The following SP110 variants were observed in gnomAD, a reference collection of about 807,000 sequenced individuals.
SP110 encodes interferon-induced protein 41, 30kD.
Under a neutral mutation model 92.7 loss-of-function variants are expected in SP110, and 62 were observed. The observed-to-expected ratio is 0.67, with a 90% confidence interval of 0.55 to 0.83. SP110 has a LOEUF of 0.83. Ranked by LOEUF, SP110 falls within the 40% of genes least tolerant of loss-of-function variation. The pLI, the probability that SP110 is intolerant of heterozygous loss-of-function variation, is 0.00. For missense variants in SP110, 793 were observed against 863.9 expected (o/e 0.92, Z 1.03); for synonymous variants, 273 against 305.3 (o/e 0.89, Z 1.10).
intron 3 of SP110, 95 bp downstream of exon 3, chr2:230,214,855 G>A: frequency 4.9e-6 from 5 of 1,010,722 alleles, no homozygotes; most frequent in South Asian, 3.9e-5. Flanking sequence ...AGAAGGCGGG[G>A]GATTAACGTG....
intron 18 of SP110, 85 bp downstream of exon 18, chr2:230,170,536 A>T: frequency 6.7e-7 from 1 of 1,490,908 alleles, no homozygotes; most frequent in Non-Finnish European, 9.4e-7. Context: ...GCTGAAACTG[A>T]GTGTAATACT....
At chr2:230,223,997 C>T (rs1489030736), upstream of SP110, among the ~76,000 whole-genome samples, 1 of 152,156 alleles carries the variant, frequency 6.6e-6, no homozygotes, top group Non-Finnish European at 1.5e-5. Flanking sequence ...TCTGATGGTC[C>T]TACATATGCC....
chr2:230,218,965 C>G (rs1382217602), intron 1 of SP110, among the ~76,000 whole-genome samples: 1 of 152,218 alleles, frequency 6.6e-6, no homozygotes, highest in East Asian at 1.9e-4. Flanking sequence ...TGGCTCATGC[C>G]TGTAATCCCA....
chr2:230,178,183 A>T lies in SP110; in HGVS notation c.1421T>A (p.Ile474Asn), dbSNP rs1393390517. The change falls in exon 13 of 19, where the codon ATT (isoleucine) becomes AAT (asparagine). Residue 474 changes from isoleucine to asparagine, a missense_variant. By Grantham distance (149) the Ile-to-Asn change is moderately radical (BLOSUM62 -3). Coordinates refer to ENST00000258381, the MANE Select transcript of SP110 (RefSeq NM_080424.4). ...LPVTCGEAKGILYKKKMKHGS... is the reference protein window; with the variant it reads ...LPVTCGEAKGNLYKKKMKHGS... Reference sequence around the variant, plus strand: ...GTGTTTCATTTTCTTCTTATATAAAATCCCTTTCGCCTCACCACAGGTCAC... The same window carrying T: ...GTGTTTCATTTTCTTCTTATATAAATTCCCTTTCGCCTCACCACAGGTCAC... 6.2e-7 allele frequency: 1 copy of T among 1,612,038 alleles called. No individual in the cohort carries two copies. The highest frequency in any genetic ancestry group is 1.1e-5 in the South Asian group (1 of 90,984).
intron 10 of SP110, among the ~76,000 whole-genome samples, chr2:230,188,718 GT>G (rs1368493380): frequency 6.6e-6 from 1 of 152,094 alleles, no homozygotes; most frequent in Non-Finnish European, 1.5e-5. Flanking sequence ...TTTATCAAAT[GT>G]TTTTTCTGCA....
upstream of SP110, among the ~76,000 whole-genome samples, chr2:230,223,369 A>C (rs13384787): frequency 0.13 from 20,071 of 152,208 alleles, 1,505 homozygotes; most frequent in Middle Eastern, 0.22. Context: ...CAGGTGATCC[A>C]GATATCTTTC....
chr2:230,204,136 G>C (rs1276923462), intron 8 of SP110, among the ~76,000 whole-genome samples: 1 of 152,296 alleles, frequency 6.6e-6, no homozygotes, highest in South Asian at 2.1e-4. Flanking sequence ...TATGAAGAAA[G>C]GCAAATCTGG....
intron 10 of SP110, among the ~76,000 whole-genome samples, chr2:230,196,850 T>C (rs1026107411): frequency 1.5e-4 from 23 of 152,230 alleles, no homozygotes; most frequent in Admixed American, 1.4e-3. Context: ...GTTTCATCCA[T>C]GTCCCTACAA....
At position 230,211,570 on chromosome 2, in the gene SP110, A is replaced by T. The variant is rs1353909472; in HGVS notation, c.668-17T>A. ...CACTGGCCACTGAATGGAGGAAGAA[A>T]AAGTTTTAGATCTCAGGAACAGCAA... On this transcript the variant is annotated splice_polypyrimidine_tract_variant and intron_variant, in intron 5 of 18. Transcript: ENST00000258381. This position sits in a 1 kb window ranked among gnomAD's most constrained non-coding sequence, Gnocchi z 4.2. 6.7e-7 allele frequency: 1 copy of T among 1,483,328 alleles called. No individual in the cohort carries two copies. Among genetic ancestry groups the T allele is most frequent in the South Asian group, 1.1e-5 (1 of 88,440 alleles). The allele number at this position is 1,483,328 out of a possible 1,614,324, so 91.9% of individuals were successfully genotyped here.
In SP110 at chr2:230,216,900, C is replaced by T. The variant is rs995478083; in HGVS notation, c.28G>A (p.Glu10Lys). 2.2e-5 allele frequency: 35 copies of T among 1,613,762 alleles called. No individual in the cohort carries two copies. The highest frequency in any genetic ancestry group is 2.9e-5 in the Non-Finnish European group (34 of 1,179,920). The change falls in exon 2 of 19, where the codon GAG becomes AAG. Residue 10 changes from glutamate (E) to lysine (K), a missense_variant. By Grantham distance (56) the Glu-to-Lys change is moderately conservative (BLOSUM62 1). Transcript: ENST00000258381. MFTMTRAME[E>K]ALFQHFMHQK... ...TGCATGAAGTGCTGAAAAAGAGCCT[C>T]TTCCATGGCTCTTGTCATGGTGAAC...
rs191221012 is a variant in SP110, at chr2:230,200,744, T to A, written c.1129+141A>T. ...TAAATATCATGGGAAGGGTCTTGAT[T>A]AAGAAAAAAAAATCCAGAAGGGCTC... On this transcript the variant is annotated intron_variant, in intron 10 of 18. Coordinates refer to ENST00000258381, the MANE Select transcript of SP110 (RefSeq NM_080424.4). The A allele has an allele frequency of 1.2e-3, 848 of 713,522 alleles. 3 individuals carry two copies. The highest frequency in any genetic ancestry group is 1.9e-3 in the Non-Finnish European group (739 of 397,474). 44.2% of individuals were successfully genotyped at this position (713,522 alleles called of 1,614,324 possible).
chr2:230,212,345 A>AC lies in SP110; in HGVS notation c.667+1dup, dbSNP rs397515571. On this transcript the variant is annotated splice_donor_variant, in intron 5 of 18. Transcript: ENST00000258381. LOFTEE classifies it high-confidence loss of function. ...AGCGGTATCAGCCCCAGTCAGTGTT[A>AC]CCTTGCACAGTGCTAGTGAGGAGGC... 10 of 1,607,758 alleles carry AC rather than the reference A, an allele frequency of 6.2e-6. No homozygotes were observed. The highest frequency in any genetic ancestry group is 8.5e-6 in the Non-Finnish European group (10 of 1,174,318).
At chr2:230,197,197 A>G (rs1438810747) in intron 10 of SP110, among the ~76,000 whole-genome samples, 8 of 151,518 alleles carry the variant, frequency 5.3e-5, no homozygotes, top group South Asian at 4.2e-4. Context: ...CATCCTCTCC[A>G]GCACCTGTTG....
At chr2:230,213,160 T>G in intron 3 of SP110, 133 bp from the exon 4 acceptor site, 1 of 833,458 alleles carries the variant, frequency 1.2e-6, no homozygotes, top group Non-Finnish European at 2.0e-6. Flanking sequence ...TGCAGAGAAC[T>G]GATTCATTGT....
At chr2:230,213,234 A>G (rs1574763237) in intron 3 of SP110, among the ~76,000 whole-genome samples, 1 of 152,186 alleles carries the variant, frequency 6.6e-6, no homozygotes, top group Non-Finnish European at 1.5e-5. Context: ...GAGTGCTACA[A>G]TAAGTGCATC....
chr2:230,192,851 A>G (rs1010070112), intron 10 of SP110, among the ~76,000 whole-genome samples: 4 of 152,192 alleles, frequency 2.6e-5, no homozygotes, highest in Admixed American at 6.5e-5. Flanking sequence ...TCTTCTGTAA[A>G]TATCTATTAG....
intron 10 of SP110, among the ~76,000 whole-genome samples, chr2:230,199,920 C>A (rs67469122): frequency 6.6e-6 from 1 of 152,028 alleles, no homozygotes; most frequent in Non-Finnish European, 1.5e-5. Context: ...AGGTTGTTAA[C>A]CCGGTGGCAG....
chr2:230,207,487 C>T (rs1033262587), intron 8 of SP110, among the ~76,000 whole-genome samples: 1 of 152,208 alleles, frequency 6.6e-6, no homozygotes, highest in Non-Finnish European at 1.5e-5. Context: ...CATCTATACA[C>T]AGCTGCATAG....
chr2:230,196,666 A>G (rs1423234725), intron 10 of SP110, among the ~76,000 whole-genome samples: 1 of 151,860 alleles, frequency 6.6e-6, no homozygotes, highest in African/African-American at 2.4e-5. Flanking sequence ...AGCATTAGGT[A>G]TATCTCCTAA....
Sources: gnomAD v4.1 joint callset for allele counts (sites outside exome capture counted in the v4.1 genomes callset) on GRCh38, gnomAD v4.1.1 for gene constraint, Gnocchi (gnomAD v3.1) non-coding constraint, MANE v1.5 for transcripts, NCBI Gene and HGNC (gene_info 2026-07-23, HGNC 2026-07-21) for gene names.